ADCY5: variants seen among roughly 807,000 people sequenced by gnomAD.
ADCY5 encodes adenylate cyclase type 5.
ADCY5 carries 30 observed loss-of-function variants against 119.7 expected under a neutral mutation model. The ratio of observed to expected loss-of-function variants is 0.25; its 90% CI spans 0.19 to 0.34. ADCY5 has a LOEUF of 0.34. Ranked by LOEUF, ADCY5 falls within the 10% of genes least tolerant of loss-of-function variation. The pLI is 1.00. For missense variants in ADCY5, 1,324 were observed against 1,775.2 expected (o/e 0.75, Z 4.57); for synonymous variants, 753 against 762.2 (o/e 0.99, Z 0.20).
At chr3:123,421,161 C>G (rs1945295994) in intron 1 of ADCY5, among the ~76,000 whole-genome samples, 1 of 152,064 alleles carries the variant, frequency 6.6e-6, no homozygotes, top group African/African-American at 2.4e-5. Context: ...TATAACAGAC[C>G]CCAAGGATGG....
At chr3:123,418,386 A>T (rs976916311) in intron 1 of ADCY5, among the ~76,000 whole-genome samples, 1 of 152,246 alleles carries the variant, frequency 6.6e-6, no homozygotes, top group Non-Finnish European at 1.5e-5. Context: ...AGACTGGGTA[A>T]TTTAGAAAGA....
At chr3:123,353,409 T>C (rs1218660591) in intron 1 of ADCY5, among the ~76,000 whole-genome samples, 1 of 152,138 alleles carries the variant, frequency 6.6e-6, no homozygotes, top group African/African-American at 2.4e-5. Context: ...GTAGGCAAAA[T>C]TTCTCTTGGC....
At chr3:123,289,499 G>A (rs1281497757) in intron 19 of ADCY5, among the ~76,000 whole-genome samples, 2 of 152,250 alleles carry the variant, frequency 1.3e-5, no homozygotes, top group African/African-American at 4.8e-5. Flanking sequence ...ACCAAGGGGT[G>A]TCCTACCCAT....
chr3:123,409,986 ATC>A (rs1945000973), intron 1 of ADCY5, among the ~76,000 whole-genome samples: 1 of 152,028 alleles, frequency 6.6e-6, no homozygotes, highest in Non-Finnish European at 1.5e-5. Context: ...GCAGTAATAA[ATC>A]TCTTTTTCTA....
intron 9 of ADCY5, 96 bp downstream of exon 9, chr3:123,320,653 A>G: frequency 1.3e-6 from 2 of 1,510,032 alleles, no homozygotes; most frequent in South Asian, 2.3e-5. Flanking sequence ...AAGAGGAGTC[A>G]TTTTCCATGG....
chr3:123,310,285 A>G (rs1053186805), intron 12 of ADCY5, among the ~76,000 whole-genome samples: 37 of 151,986 alleles, frequency 2.4e-4, no homozygotes, highest in Non-Finnish European at 4.4e-5. Flanking sequence ...GGGAGTCACC[A>G]TTTGGGCGGT....
At chr3:123,419,076 A>C (rs1945245867) in intron 1 of ADCY5, 1 of 896,652 alleles carries the variant, frequency 1.1e-6, no homozygotes, top group East Asian at 1.2e-4. Context: ...CCAATCCCCC[A>C]CAGTAAATCT....
intron 1 of ADCY5, among the ~76,000 whole-genome samples, chr3:123,357,269 C>A (rs1483670738): frequency 6.6e-6 from 1 of 151,834 alleles, no homozygotes; most frequent in Non-Finnish European, 1.5e-5. Flanking sequence ...GGAGTCATAT[C>A]CAGGAGACTA....
chr3:123,389,030 G>A (rs1320215665), intron 1 of ADCY5, among the ~76,000 whole-genome samples: 1 of 152,170 alleles, frequency 6.6e-6, no homozygotes, highest in Non-Finnish European at 1.5e-5. Context: ...ATGGAAGGAA[G>A]GAGGGAGGAA....
chr3:123,309,375 T>C (rs1238608528), intron 12 of ADCY5, among the ~76,000 whole-genome samples: 1 of 152,216 alleles, frequency 6.6e-6, no homozygotes, highest in Non-Finnish European at 1.5e-5. Context: ...ACGCCAGTGC[T>C]CTCATCACTT....
intron 1 of ADCY5, among the ~76,000 whole-genome samples, chr3:123,373,385 C>A (rs533815584): frequency 6.6e-5 from 10 of 152,352 alleles, no homozygotes; most frequent in Admixed American, 5.9e-4. Context: ...CTTAATGCAG[C>A]AAACTGGATT....
At chr3:123,426,558 A>G (rs1176881072) in intron 1 of ADCY5, among the ~76,000 whole-genome samples, 2 of 151,994 alleles carry the variant, frequency 1.3e-5, no homozygotes, top group East Asian at 3.9e-4. Flanking sequence ...AACTCCTAGG[A>G]GACCTCAGGT....
chr3:123,349,336 C>T (rs1211943743), intron 2 of ADCY5, among the ~76,000 whole-genome samples: 1 of 152,218 alleles, frequency 6.6e-6, no homozygotes, highest in African/African-American at 2.4e-5. Context: ...TCCCCTCAGC[C>T]GCAGGACCTG....
chr3:123,350,989 A>G (rs1183280772), intron 2 of ADCY5, among the ~76,000 whole-genome samples: 1 of 152,022 alleles, frequency 6.6e-6, no homozygotes, highest in African/African-American at 2.4e-5. Flanking sequence ...GGCGAGGTAC[A>G]TGTGTTAATA....
intron 1 of ADCY5, among the ~76,000 whole-genome samples, chr3:123,440,103 C>T (rs1359760616): frequency 6.6e-6 from 1 of 152,212 alleles, no homozygotes; most frequent in East Asian, 1.9e-4. Context: ...TGCAGACGTC[C>T]ACCCACCCCA....
At chr3:123,311,838 T>G (rs62262653) in intron 12 of ADCY5, among the ~76,000 whole-genome samples, 28,492 of 151,976 alleles carry the variant, frequency 0.19, 2,850 homozygotes, top group Middle Eastern at 0.29. Flanking sequence ...GGGTATTCCA[T>G]CCACCGGCCC....
chr3:123,328,244 C>G (rs550450619), intron 6 of ADCY5, among the ~76,000 whole-genome samples: 1 of 152,172 alleles, frequency 6.6e-6, no homozygotes, highest in Non-Finnish European at 1.5e-5. Flanking sequence ...GTGTTCCCTC[C>G]GCCTAGCAGC....
At chr3:123,358,790 C>A (rs1319337728) in intron 1 of ADCY5, among the ~76,000 whole-genome samples, 4 of 152,186 alleles carry the variant, frequency 2.6e-5, no homozygotes, top group Non-Finnish European at 5.9e-5. Flanking sequence ...AACCCCAGCA[C>A]TTCTGAAACC....
At chr3:123,371,609 T>C (rs952821254) in intron 1 of ADCY5, among the ~76,000 whole-genome samples, 2 of 152,190 alleles carry the variant, frequency 1.3e-5, no homozygotes, top group African/African-American at 2.4e-5. Flanking sequence ...GCATTGCACA[T>C]GGCAGCCGGT....
Sources: allele counts gnomAD v4.1 joint callset (sites outside exome capture counted in the v4.1 genomes callset), GRCh38; gene constraint gnomAD v4.1.1; transcripts MANE v1.5; gene names NCBI Gene and HGNC (gene_info 2026-07-23, HGNC 2026-07-21).